Variants in DEPTOR observed in about 807,000 individuals in gnomAD.
DEPTOR encodes DEP domain containing MTOR interacting protein, also known as DEP domain-containing mTOR-interacting protein.
A neutral mutation model predicts 41.6 loss-of-function variants in DEPTOR; 41 were observed. That is an observed-to-expected ratio of 0.98 (90% confidence interval 0.77 to 1.28). The LOEUF (loss-of-function observed/expected upper bound fraction) is 1.28. Among genes scored for constraint, DEPTOR ranks in the 50% most tolerant of loss-of-function variants. The pLI is 0.00. For synonymous variants in DEPTOR, 195 were observed against 192.3 expected (o/e 1.01, Z -0.12); for missense variants, 514 against 527.9 (o/e 0.97, Z 0.26).
At chr8:119,906,297 C>CAA (rs71304922) in intron 1 of DEPTOR, among the ~76,000 whole-genome samples, 70,461 of 140,078 alleles carry the variant, frequency 0.5, 18,880 homozygotes, top group East Asian at 0.92. Flanking sequence ...ACTAAAAATA[C>CAA]AAAAAAAAAA....
At chr8:119,945,279 G>C (rs1828257111) in intron 3 of DEPTOR, among the ~76,000 whole-genome samples, 1 of 152,108 alleles carries the variant, frequency 6.6e-6, no homozygotes, top group African/African-American at 2.4e-5. Context: ...AGAAGATATT[G>C]ATTATTCTAG....
At chr8:119,914,101 A>G (rs1827781215) in intron 1 of DEPTOR, among the ~76,000 whole-genome samples, 1 of 148,902 alleles carries the variant, frequency 6.7e-6, no homozygotes, top group African/African-American at 2.5e-5. Context: ...GCTGGAGTGC[A>G]GTGGCATGAT....
intron 4 of DEPTOR, among the ~76,000 whole-genome samples, chr8:119,997,005 G>T (rs768739081): frequency 3.9e-5 from 6 of 152,180 alleles, no homozygotes; most frequent in Non-Finnish European, 8.8e-5. Context: ...AGCCACATTG[G>T]TAGCTATCAT....
At chr8:119,980,458 C>CTTTTCTTTTCTT (rs1210837928) in intron 4 of DEPTOR, among the ~76,000 whole-genome samples, 1 of 20,976 alleles carries the variant, frequency 4.8e-5, no homozygotes. Flanking sequence ...TTTCTTTTTT[C>CTTTTCTTTTCTT]TTTTCTTTTC....
At chr8:120,032,192 C>T (rs910030773) in intron 8 of DEPTOR, among the ~76,000 whole-genome samples, 7 of 148,898 alleles carry the variant, frequency 4.7e-5, no homozygotes, top group African/African-American at 1.7e-4. Flanking sequence ...AAACTTCATT[C>T]TAATATGACA....
At chr8:120,007,026 C>T in intron 7 of DEPTOR, 151 bp downstream of exon 7, 2 of 710,510 alleles carry the variant, frequency 2.8e-6, no homozygotes, top group Non-Finnish European at 4.7e-6. Flanking sequence ...GCTTTCTTGA[C>T]CTCAAGGCAC....
intron 3 of DEPTOR, among the ~76,000 whole-genome samples, chr8:119,955,292 T>C (rs959384191): frequency 2.0e-5 from 3 of 152,224 alleles, no homozygotes; most frequent in African/African-American, 4.8e-5. Flanking sequence ...TTTGAAATAG[T>C]CCAATTTGTC....
intron 1 of DEPTOR, among the ~76,000 whole-genome samples, chr8:119,918,951 GTGTGTGTGTGTGTGTA>G (rs1465552343): frequency 1.8e-4 from 25 of 139,430 alleles, no homozygotes; most frequent in Admixed American, 1.2e-3. Flanking sequence ...GTGTGTGTGT[GTGTGTGTGTGTGTGTA>G]TGTGTATGTG....
At position 119,965,409 on chromosome 8, in the gene DEPTOR, TG is replaced by T. The variant is rs755195493; in HGVS notation, c.604+1del. ...TTATGGAGCATGGCATCATCCAGCA[TG>T]GTGAGCGTATTGGGCAGCTTTTGCT... is the stretch of plus-strand genomic sequence containing the variant. ...RLMEHGIIQH[V>X]SNKHPFVDSN... On this transcript the variant is annotated frameshift_variant and splice_region_variant, in exon 4 of 9. Transcript: ENST00000286234. LOFTEE classifies it high-confidence loss of function. 1 of 1,613,176 alleles carries T rather than the reference TG, an allele frequency of 6.2e-7. No homozygotes were observed. The highest frequency in any genetic ancestry group is 1.1e-5 in the South Asian group (1 of 90,870).
At chr8:119,944,049 C>T (rs1828237901) in intron 3 of DEPTOR, among the ~76,000 whole-genome samples, 1 of 152,112 alleles carries the variant, frequency 6.6e-6, no homozygotes, top group Non-Finnish European at 1.5e-5. Flanking sequence ...ACCGTGTTAG[C>T]CAGGATGGTC....
At chr8:119,996,524 A>T (rs1449994186) in intron 4 of DEPTOR, among the ~76,000 whole-genome samples, 1 of 152,164 alleles carries the variant, frequency 6.6e-6, no homozygotes, top group African/African-American at 2.4e-5. Context: ...ATTTGATCTT[A>T]GATAGTATGT....
At position 119,883,963 on chromosome 8, in the gene DEPTOR, G is replaced by A. The variant is rs142290592; in HGVS notation, c.122+9995G>A. On this transcript the variant is annotated intron_variant, in intron 1 of 8. Transcript: ENST00000286234. Reference sequence around the variant, plus strand: ...AGAAGGACTAGTCCTAGCACAGTACGCTCAGTAGCTACTCTGACCTTGACT... The same window carrying A: ...AGAAGGACTAGTCCTAGCACAGTACACTCAGTAGCTACTCTGACCTTGACT... Among the ~76,000 whole-genome samples, 385 of 152,310 alleles carry A rather than the reference G, an allele frequency of 2.5e-3. 2 individuals are homozygous for A. Among genetic ancestry groups the A allele is most frequent in the African/African-American group, 8.3e-3 (344 of 41,568 alleles).
chr8:119,928,698 C>A, intron 2 of DEPTOR, 120 bp downstream of exon 2: 1 of 1,058,876 alleles, frequency 9.4e-7, no homozygotes, highest in African/African-American at 1.6e-5. Context: ...GTACCTCTCC[C>A]TGATTGCATT....
At chr8:119,945,996 G>A (rs1224558885) in intron 3 of DEPTOR, among the ~76,000 whole-genome samples, 3 of 152,144 alleles carry the variant, frequency 2.0e-5, no homozygotes, top group African/African-American at 2.4e-5. Context: ...CTTTGTCCAC[G>A]CAAACCAAGG....
chr8:119,957,181 AC>A (rs1365872077), intron 3 of DEPTOR, among the ~76,000 whole-genome samples: 1 of 152,104 alleles, frequency 6.6e-6, no homozygotes, highest in Admixed American at 6.6e-5. Context: ...GAGCAACTGC[AC>A]CCAGCTTGGG....
At chr8:119,985,091 T>C (rs1828812985) in intron 4 of DEPTOR, among the ~76,000 whole-genome samples, 1 of 152,180 alleles carries the variant, frequency 6.6e-6, no homozygotes, top group East Asian at 1.9e-4. Flanking sequence ...GAGAATCACT[T>C]GGACCCAGGA....
chr8:120,007,499 T>C (rs1363399249), intron 7 of DEPTOR, among the ~76,000 whole-genome samples: 2 of 152,090 alleles, frequency 1.3e-5, no homozygotes, highest in African/African-American at 2.4e-5. Context: ...AATGCCTACG[T>C]TGGATTTCTT....
intron 8 of DEPTOR, among the ~76,000 whole-genome samples, chr8:120,033,436 T>A (rs1377063979): frequency 6.6e-6 from 1 of 152,180 alleles, no homozygotes; most frequent in African/African-American, 2.4e-5. Context: ...TCACAGCCTC[T>A]TGTTGTGTAA....
At chr8:119,930,144 A>C (rs1171520521) in intron 3 of DEPTOR, among the ~76,000 whole-genome samples, 2 of 152,338 alleles carry the variant, frequency 1.3e-5, no homozygotes, top group African/African-American at 4.8e-5. Context: ...TAAAGAATTT[A>C]CTTAAATCTT....
Sources: allele counts gnomAD v4.1 joint callset (sites outside exome capture counted in the v4.1 genomes callset), GRCh38; gene constraint gnomAD v4.1.1; transcripts MANE v1.5; gene names NCBI Gene and HGNC (gene_info 2026-07-23, HGNC 2026-07-21).